Variants in PTPRN2 observed in about 807,000 individuals in gnomAD.
PTPRN2 encodes the protein protein tyrosine phosphatase receptor type N2.
PTPRN2 carries 74 observed loss-of-function variants against 118.8 expected under a neutral mutation model. The ratio of observed to expected loss-of-function variants is 0.62; its 90% CI spans 0.52 to 0.76. The LOEUF (loss-of-function observed/expected upper bound fraction) is 0.76, where lower values mean the gene tolerates loss of function less well. Ranked by LOEUF, PTPRN2 falls within the 30% of genes least tolerant of loss-of-function variation. The pLI, the probability that PTPRN2 is intolerant of heterozygous loss-of-function variation, is 0.00. For synonymous variants in PTPRN2, 641 were observed against 608.0 expected (o/e 1.05, Z -0.80); for missense variants, 1,481 against 1,394.4 (o/e 1.06, Z -0.99).
At chr7:157,734,933 C>T (rs535414065) in intron 12 of PTPRN2, among the ~76,000 whole-genome samples, 51 of 152,344 alleles carry the variant, frequency 3.3e-4, no homozygotes, top group South Asian at 2.3e-3. Flanking sequence ...GGAGGAAACG[C>T]GCACACACAT....
chr7:157,646,833 G>C (rs1197474551), intron 14 of PTPRN2, among the ~76,000 whole-genome samples: 1 of 152,244 alleles, frequency 6.6e-6, no homozygotes, highest in Non-Finnish European at 1.5e-5. Flanking sequence ...TGGGAGGTCA[G>C]ACCCATCCAG....
At chr7:158,086,206 C>T (rs1362760386) in intron 10 of PTPRN2, among the ~76,000 whole-genome samples, 3 of 152,166 alleles carry the variant, frequency 2.0e-5, no homozygotes, top group Non-Finnish European at 4.4e-5. Flanking sequence ...GACTGAGCTG[C>T]AGAATCCTCT....
chr7:158,083,813 G>A (rs774810015), intron 10 of PTPRN2, among the ~76,000 whole-genome samples: 2 of 152,192 alleles, frequency 1.3e-5, no homozygotes, highest in Non-Finnish European at 2.9e-5. Context: ...CTGAGCCCTG[G>A]CTCTGGCCCT....
Position 157,651,292 on chromosome 7 carries a change from T to G in PTPRN2, c.2196+5065A>C, listed in dbSNP as rs150925648. The stretch of plus-strand genomic sequence containing the variant: ...AATGTCGTCATCTGTGAAATGGGCC[T>G]ACTCACAGCTCCTGTGCCCTCAGTG... On this transcript the variant is annotated intron_variant, in intron 14 of 22. Coordinates refer to ENST00000389418, the MANE Select transcript of PTPRN2 (RefSeq NM_002847.5). Among the ~76,000 whole-genome samples the G allele has an allele frequency of 8.7e-3, 1,322 of 152,274 alleles. 12 individuals are homozygous for G. Among genetic ancestry groups the G allele is most frequent in the Non-Finnish European group, 0.015 (1,021 of 68,020 alleles).
intron 12 of PTPRN2, among the ~76,000 whole-genome samples, chr7:157,789,635 G>C (rs1293086684): frequency 1.3e-5 from 2 of 151,810 alleles, no homozygotes; most frequent in East Asian, 3.9e-4. Flanking sequence ...GTGGTGTGTG[G>C]TGTGAAATGT....
chr7:157,936,377 A>G (rs55668914), intron 11 of PTPRN2, among the ~76,000 whole-genome samples: 28,082 of 152,044 alleles, frequency 0.18, 2,736 homozygotes, highest in Middle Eastern at 0.2. Flanking sequence ...TACTGGGCTC[A>G]TTCCTCCCCT....
At chr7:158,055,013 C>T (rs530055788) in intron 11 of PTPRN2, among the ~76,000 whole-genome samples, 15 of 152,074 alleles carry the variant, frequency 9.9e-5, no homozygotes, top group Admixed American at 4.6e-4. Flanking sequence ...ACCCAGGTGC[C>T]GAGGCAAGAG....
chr7:158,447,582 G>A (rs936456781), intron 2 of PTPRN2, among the ~76,000 whole-genome samples: 3 of 152,164 alleles, frequency 2.0e-5, no homozygotes, highest in South Asian at 2.1e-4. Flanking sequence ...GCTTGCTCCC[G>A]CTGCCAGAGC....
chr7:158,585,501 C>A (rs528603533), intron 1 of PTPRN2, among the ~76,000 whole-genome samples: 17 of 152,312 alleles, frequency 1.1e-4, no homozygotes, highest in Admixed American at 3.9e-4. Flanking sequence ...CCTTCTGTTA[C>A]CAGTGACACC....
intron 5 of PTPRN2, among the ~76,000 whole-genome samples, chr7:158,182,985 A>G (rs1026529656): frequency 6.6e-6 from 1 of 152,226 alleles, no homozygotes; most frequent in African/African-American, 2.4e-5. Flanking sequence ...CATTTGGTGC[A>G]TATAAATTTA....
chr7:157,652,911 C>T (rs1055120635), intron 14 of PTPRN2, among the ~76,000 whole-genome samples: 7 of 152,230 alleles, frequency 4.6e-5, no homozygotes, highest in Non-Finnish European at 7.3e-5. Flanking sequence ...AGCCTCTGTG[C>T]AGAAAGCAGC....
chr7:157,961,785 A>G (rs1801553887), intron 11 of PTPRN2, among the ~76,000 whole-genome samples: 1 of 152,394 alleles, frequency 6.6e-6, no homozygotes, highest in Admixed American at 6.5e-5. Flanking sequence ...ATTCTAAGGC[A>G]CTAAACACAT....
intron 11 of PTPRN2, chr7:158,030,313 G>T (rs1807594571): frequency 6.6e-6 from 1 of 152,304 alleles, no homozygotes; most frequent in African/African-American, 2.4e-5. Context: ...AGAACCCGCA[G>T]GATGAGGCAG....
chr7:158,312,982 ATG>A lies in PTPRN2; in HGVS notation c.277+3835_277+3836del, dbSNP rs770161909. On this transcript the variant is annotated intron_variant, in intron 3 of 22. Transcript: ENST00000389418. ...CGTGTGTGCATGTCTACATGTGAGC[ATG>A]TGTGTGTGCAGGTGAGTGTGCAGGT... is the stretch of plus-strand genomic sequence containing the variant. Among the ~76,000 whole-genome samples, 50 of 150,612 alleles carry A rather than the reference ATG, an allele frequency of 3.3e-4. 1 individual carries two copies. Among genetic ancestry groups the A allele is most frequent in the South Asian group, 1.5e-3 (7 of 4,786 alleles).
chr7:158,024,829 C>T (rs565788004), intron 11 of PTPRN2, among the ~76,000 whole-genome samples: 1 of 152,208 alleles, frequency 6.6e-6, no homozygotes, highest in Non-Finnish European at 1.5e-5. Context: ...CTTTCCACTG[C>T]CTCTTTCTGC....
At chr7:158,556,205 G>T (rs564277392) in intron 1 of PTPRN2, among the ~76,000 whole-genome samples, 1 of 152,166 alleles carries the variant, frequency 6.6e-6, no homozygotes, top group African/African-American at 2.4e-5. Context: ...ATAGGTAGAC[G>T]ATTGACAGGT....
rs548691952 is a variant in PTPRN2 at position 158,306,269 on chromosome 7, C to T, written c.277+10550G>A. Among the ~76,000 whole-genome samples the T allele has an allele frequency of 2.6e-5, 4 of 152,314 alleles. No individual in the cohort carries two copies. In the East Asian group the frequency reaches 7.7e-4, roughly 29 times the overall value. On this transcript the variant is annotated intron_variant, in intron 3 of 22. Coordinates refer to ENST00000389418, the MANE Select transcript of PTPRN2 (RefSeq NM_002847.5). ...AGATGTGCACAGGTGCTTTGCAAAG[C>T]TCTGACACGATCCTTGGAATATGGA...
intron 3 of PTPRN2, among the ~76,000 whole-genome samples, chr7:158,208,105 C>T (rs1032467807): frequency 1.3e-5 from 2 of 151,144 alleles, no homozygotes; most frequent in African/African-American, 4.9e-5. Context: ...TCAGAGGAGA[C>T]CAAAGAAAAA....
rs544144439 is a variant in PTPRN2 at position 158,159,405 on chromosome 7, T to C, written c.910+7526A>G. 2.0e-5 allele frequency among the ~76,000 whole-genome samples: 3 copies of C among 152,260 alleles called. No homozygotes were observed. The South Asian group carries it at 6.2e-4, about 32-fold the overall frequency. Reference sequence around the variant, plus strand: ...GTGATTACCTTGGCCATACAAGCGATAGTATAATAAGACACCTGAATAGAA... The same window carrying C: ...GTGATTACCTTGGCCATACAAGCGACAGTATAATAAGACACCTGAATAGAA... On this transcript the variant is annotated intron_variant, in intron 6 of 22. Coordinates refer to ENST00000389418, the MANE Select transcript of PTPRN2 (RefSeq NM_002847.5).
Sources: gnomAD v4.1 joint callset for allele counts (sites outside exome capture counted in the v4.1 genomes callset) on GRCh38, gnomAD v4.1.1 for gene constraint, MANE v1.5 for transcripts, NCBI Gene and HGNC (gene_info 2026-07-23, HGNC 2026-07-21) for gene names.